The following TSC22D2 variants were observed in gnomAD, a reference collection of about 807,000 sequenced individuals.
The protein encoded by TSC22D2 is TSC22 domain family member 2.
TSC22D2 carries 5 observed loss-of-function variants against 50.1 expected under a neutral mutation model. That is an observed-to-expected ratio of 0.10 (90% CI 0.05 to 0.21). The LOEUF is 0.21. TSC22D2 is among the 10% of genes least tolerant of loss of function. The pLI is 1.00. For synonymous variants in TSC22D2, 501 were observed against 450.1 expected (o/e 1.11, Z -1.43); for missense variants, 1,003 against 1,015.5 (o/e 0.99, Z 0.17).
rs1721536456 is a variant in TSC22D2, at chr3:150,466,161, T to C, written c.*7525T>C. 6.6e-6 allele frequency: 1 copy of C among 151,204 alleles called. No homozygotes were observed. The highest frequency in any genetic ancestry group is 3.4e-3 in the Middle Eastern group (1 of 292). The allele number at this position is 151,204 out of a possible 1,614,324, so 9.4% of individuals were successfully genotyped here. On this transcript the variant is annotated 3_prime_UTR_variant, in exon 3 of 3. Coordinates refer to ENST00000688009, the MANE Select transcript of TSC22D2 (RefSeq NM_001303264.2). The stretch of plus-strand genomic sequence containing the variant: ...AAAAATTGAAAGACAATACCTGTAA[T>C]ACATATGATACTAGTGATGTTAAAT...
At position 150,411,035 on chromosome 3, in the gene TSC22D2, C is replaced by G. The variant is rs142100582; in HGVS notation, c.1685C>G (p.Ala562Gly). 1.3e-3 allele frequency: 2,041 copies of G among 1,614,180 alleles called. 8 individuals carry two copies. Among genetic ancestry groups the G allele is most frequent in the Non-Finnish European group, 9.1e-4 (1,072 of 1,180,032 alleles). Residue 562 changes from alanine to glycine, a missense_variant, in exon 1 of 3, where the codon GCG (alanine) becomes GGG (glycine). Ala to Gly is a moderately conservative substitution (Grantham distance 60, BLOSUM62 0). Around this residue, in one of 6 missense-constraint regions of TSC22D2, gnomAD observed 696 missense variants for 647.8 expected, o/e 1.07. Transcript: ENST00000688009. ...SIIQHVGLPLAPGTHSAPTSL... is the reference protein window; with the variant it reads ...SIIQHVGLPLGPGTHSAPTSL... ...ATCCAGCATGTTGGGCTGCCCTTAG[C>G]GCCAGGCACACACAGCGCACCAACA... is the stretch of plus-strand genomic sequence containing the variant.
intron 1 of TSC22D2, among the ~76,000 whole-genome samples, chr3:150,433,585 C>G (rs961836463): frequency 4.6e-5 from 7 of 152,180 alleles, no homozygotes; most frequent in African/African-American, 1.4e-4. Context: ...GATAACACTC[C>G]TGTTTACAGT....
Position 150,461,377 on chromosome 3 carries a change from C to CTGAT in TSC22D2, c.*2745_*2748dup, listed in dbSNP as rs1464320588. 6.6e-6 allele frequency: 1 copy of CTGAT among 152,156 alleles called. No individual in the cohort carries two copies. Among genetic ancestry groups the CTGAT allele is most frequent in the African/African-American group, 2.4e-5 (1 of 41,436 alleles). 9.4% of individuals were successfully genotyped at this position (152,156 alleles called of 1,614,324 possible). A position where few individuals can be genotyped will look rare whatever the true frequency, so the allele number is the denominator to read the frequency against. On this transcript the variant is annotated 3_prime_UTR_variant, in exon 3 of 3. Transcript: ENST00000688009. Reference sequence around the variant, plus strand: ...TGCTCCAAATAGTTGTAAATATTAACTGATTGAGATCCCAATTTGGAGGCA... The same window carrying CTGAT: ...TGCTCCAAATAGTTGTAAATATTAACTGATTGATTGAGATCCCAATTTGGAGGCA...
At chr3:150,446,093 C>CAAAAAAAAAAAAAAAAAAAAAAAAAAA (rs34550896) in intron 1 of TSC22D2, among the ~76,000 whole-genome samples, 1 of 104,080 alleles carries the variant, frequency 9.6e-6, no homozygotes. Flanking sequence ...GACTCCATCT[C>CAAAAAAAAAAAAAAAAAAAAAAAAAAA]AAAAAAAAAA....
At position 150,409,486 on chromosome 3, in the gene TSC22D2, T is replaced by A; in HGVS notation, c.136T>A (p.Ser46Thr). 6.2e-7 allele frequency: 1 copy of A among 1,612,832 alleles called. No homozygotes were observed. Among genetic ancestry groups the A allele is most frequent in the Non-Finnish European group, 8.5e-7 (1 of 1,179,628 alleles). The change falls in exon 1 of 3, where the codon TCC becomes ACC. Residue 46 changes from serine (S) to threonine (T), a missense_variant. Physicochemically the swap from Ser to Thr is moderately conservative, Grantham distance 58. Around this residue, in one of 6 missense-constraint regions of TSC22D2, gnomAD observed 200 missense variants for 182.8 expected, o/e 1.09. Coordinates refer to ENST00000688009, the MANE Select transcript of TSC22D2 (RefSeq NM_001303264.2). The surrounding 1 kb of genome is among the most constrained non-coding windows in gnomAD (Gnocchi z 7.4). ...CGAGTCACGCACAGAGGACGTCTCCTCCGAGATTTTCGACGTCTCTCGGGC... is the reference window on the plus strand; with the variant it reads ...CGAGTCACGCACAGAGGACGTCTCCACCGAGATTTTCGACGTCTCTCGGGC... Reference protein sequence around the residue: ...PDESRTEDVSSEIFDVSRATD... With the variant: ...PDESRTEDVSTEIFDVSRATD...
Position 150,442,258 on chromosome 3 carries a change from A to G in TSC22D2, c.1959-14818A>G, listed in dbSNP as rs556520520. ...CTCTAAAATCTTGCTCTGTCTTAGC[A>G]CTTATCACACTTAACATCTTATATA... is the stretch of plus-strand genomic sequence containing the variant. On this transcript the variant is annotated intron_variant, in intron 1 of 2. Transcript: ENST00000688009. Among the ~76,000 whole-genome samples the G allele has an allele frequency of 7.2e-5, 11 of 152,174 alleles. No individual in the cohort carries two copies. In the South Asian group the frequency reaches 2.1e-3, roughly 29 times the overall value.
chr3:150,409,740 C>T lies in TSC22D2; in HGVS notation c.390C>T (p.Ala130=). The T allele has an allele frequency of 3.7e-6, 6 of 1,601,358 alleles. No homozygotes were observed. The highest frequency in any genetic ancestry group is 5.1e-6 in the Non-Finnish European group (6 of 1,177,844). ...CGGCGGCTGCCACTTCGGCCCCCGC[C>T]CCCGGAGCACCCGGCGGCCCCCAGC... ...TLAAAATSAP[A]PGAPGGPQLA... Residue 130 remains alanine (A), a synonymous_variant, in exon 1 of 3, where the codon GCC becomes GCT. Coordinates refer to ENST00000688009, the MANE Select transcript of TSC22D2 (RefSeq NM_001303264.2). The surrounding 1 kb of genome is among the most constrained non-coding windows in gnomAD (Gnocchi z 7.4).
rs1031747095 is a variant in TSC22D2, at chr3:150,409,186, C to T, written c.-165C>T. ...GGAAACGAGGAGGAGGATGTCTCAC[C>T]GGGCGGCCAGCGCCTGGATCAGCCC... On this transcript the variant is annotated 5_prime_UTR_variant, in exon 1 of 3. Transcript: ENST00000688009. The surrounding 1 kb of genome is among the most constrained non-coding windows in gnomAD (Gnocchi z 7.4). The T allele has an allele frequency of 6.2e-6, 4 of 646,712 alleles. No homozygotes were observed. Among genetic ancestry groups the T allele is most frequent in the African/African-American group, 5.5e-5 (3 of 55,040 alleles). The allele number at this position is 646,712 out of a possible 1,614,324, so 40.1% of individuals were successfully genotyped here. A position where few individuals can be genotyped will look rare whatever the true frequency, so the allele number is the denominator to read the frequency against.
chr3:150,435,976 G>C (rs1305377890), intron 1 of TSC22D2, among the ~76,000 whole-genome samples: 6 of 151,986 alleles, frequency 3.9e-5, no homozygotes, highest in Non-Finnish European at 8.8e-5. Flanking sequence ...ATTTTGAAGG[G>C]TATCTGGTTA....
intron 1 of TSC22D2, among the ~76,000 whole-genome samples, chr3:150,413,288 C>A (rs1042401570): frequency 8.5e-5 from 13 of 152,268 alleles, no homozygotes; most frequent in Admixed American, 5.2e-4. Flanking sequence ...AGTGTTCTTA[C>A]CAATTGCAAC....
intron 1 of TSC22D2, 56 bp from the exon 2 acceptor site, chr3:150,457,020 G>A: frequency 6.8e-7 from 1 of 1,460,234 alleles, no homozygotes; most frequent in Non-Finnish European, 9.6e-7. Flanking sequence ...ATTCTTTTAA[G>A]AGTTGGAAGG....
intron 1 of TSC22D2, among the ~76,000 whole-genome samples, chr3:150,419,472 T>C (rs1190891337): frequency 6.6e-6 from 1 of 152,134 alleles, no homozygotes; most frequent in African/African-American, 2.4e-5. Flanking sequence ...TTGATGTTCT[T>C]CATATTGTAT....
chr3:150,459,686 T>C lies in TSC22D2; in HGVS notation c.*1050T>C, dbSNP rs1249966011. On this transcript the variant is annotated 3_prime_UTR_variant, in exon 3 of 3. Transcript: ENST00000688009. ...TGTCTAGCATGATCTGCATGACCTATAATCTTTGAACCACTTTCGTACCTC... is the reference window on the plus strand; with the variant it reads ...TGTCTAGCATGATCTGCATGACCTACAATCTTTGAACCACTTTCGTACCTC... 6.6e-6 allele frequency: 1 copy of C among 151,722 alleles called. No individual in the cohort carries two copies. The highest frequency in any genetic ancestry group is 1.5e-5 in the Non-Finnish European group (1 of 67,812). The allele number at this position is 151,722 out of a possible 1,614,324, so 9.4% of individuals were successfully genotyped here. A position where few individuals can be genotyped will look rare whatever the true frequency, so the allele number is the denominator to read the frequency against.
chr3:150,422,915 T>G, intron 1 of TSC22D2: 1 of 570,274 alleles, frequency 1.8e-6, no homozygotes, highest in Non-Finnish European at 3.0e-6. Flanking sequence ...AGCAAACTTA[T>G]GTGGTTTTAA....
intron 2 of TSC22D2, among the ~76,000 whole-genome samples, chr3:150,457,744 T>C (rs1721233601): frequency 2.6e-5 from 4 of 152,206 alleles, no homozygotes; most frequent in Admixed American, 2.6e-4. Flanking sequence ...CAAGTGATTC[T>C]CCTGCCTCAG....
intron 1 of TSC22D2, among the ~76,000 whole-genome samples, chr3:150,432,793 A>T (rs113608528): frequency 0.016 from 2,462 of 152,286 alleles, 30 homozygotes; most frequent in Middle Eastern, 0.034. Context: ...CCTTTTGGGA[A>T]GAAAGAAATA....
chr3:150,453,411 T>C (rs767164370), intron 1 of TSC22D2, among the ~76,000 whole-genome samples: 8 of 152,234 alleles, frequency 5.3e-5, no homozygotes, highest in Non-Finnish European at 1.2e-4. Context: ...AACCATATTC[T>C]GGGATCTTGA....
rs1721481278 is a variant in TSC22D2 at position 150,463,771 on chromosome 3, A to G, written c.*5135A>G. The G allele has an allele frequency of 6.6e-6, 1 of 152,212 alleles. No individual in the cohort carries two copies. Among genetic ancestry groups the G allele is most frequent in the Non-Finnish European group, 1.5e-5 (1 of 68,040 alleles). 9.4% of individuals were successfully genotyped at this position (152,212 alleles called of 1,614,324 possible). A position where few individuals can be genotyped will look rare whatever the true frequency, so the allele number is the denominator to read the frequency against. ...CCCGCCATGGAATCATCAAATAAGA[A>G]AAATAAGACAGATTTTCAGATTGGT... On this transcript the variant is annotated 3_prime_UTR_variant, in exon 3 of 3. Transcript: ENST00000688009.
intron 1 of TSC22D2, among the ~76,000 whole-genome samples, chr3:150,426,473 C>T (rs1004876048): frequency 1.3e-5 from 2 of 152,200 alleles, no homozygotes; most frequent in East Asian, 1.9e-4. Context: ...AAAAGCTCAG[C>T]GTAAGGGTTT....
Sources: gnomAD v4.1 joint callset for allele counts (sites outside exome capture counted in the v4.1 genomes callset) on GRCh38, gnomAD v4.1.1 for gene constraint, gnomAD v4.1.1 regional missense constraint, Gnocchi (gnomAD v3.1) non-coding constraint, MANE v1.5 for transcripts, NCBI Gene and HGNC (gene_info 2026-07-23, HGNC 2026-07-21) for gene names.